Variants in ANKS1B observed in about 807,000 individuals in gnomAD.
ANKS1B encodes ankyrin repeat and sterile alpha motif domain-containing protein 1B.
ANKS1B carries 36 observed loss-of-function variants against 148.3 expected under a neutral mutation model. The ratio of observed to expected loss-of-function variants is 0.24; its 90% CI spans 0.19 to 0.32. The LOEUF (loss-of-function observed/expected upper bound fraction) is 0.32, where lower values mean the gene tolerates loss of function less well. ANKS1B is among the 10% of genes least tolerant of loss of function. The pLI, the probability that ANKS1B is intolerant of heterozygous loss-of-function variation, is 1.00. For missense variants in ANKS1B, 1,157 were observed against 1,542.6 expected, an observed-to-expected ratio of 0.75 and a Z score of 4.19; for synonymous variants, 542 against 560.8, an observed-to-expected ratio of 0.97 and a Z score of 0.47.
intron 8 of ANKS1B, among the ~76,000 whole-genome samples, chr12:99,766,712 A>G (rs975458105): frequency 3.3e-5 from 5 of 152,156 alleles, no homozygotes; most frequent in Admixed American, 6.5e-5. Flanking sequence ...TCTTTTGAAC[A>G]TTGTATACCA....
Position 99,121,318 on chromosome 12 carries a change from G to GGGGGGTGTGTGTGTGTGTGTGTGT in ANKS1B, c.2526+32970_2526+32971insACACACACACACACACACACCCCC, listed in dbSNP as rs796549235. On this transcript the variant is annotated intron_variant, in intron 15 of 26. Transcript: ENST00000683438. ...ACTGTTTTAACAGTGTGTGTATGTAGGTATGTGTGTGTGTGTGTGTGTGTG... is the reference window on the plus strand; with the variant it reads ...ACTGTTTTAACAGTGTGTGTATGTAGGGGGGTGTGTGTGTGTGTGTGTGTGTATGTGTGTGTGTGTGTGTGTGTG... Among the ~76,000 whole-genome samples, 4 of 105,978 alleles carry GGGGGGTGTGTGTGTGTGTGTGTGT rather than the reference G, an allele frequency of 3.8e-5. No homozygotes were observed. The East Asian group carries it at 7.7e-4, about 20-fold the overall frequency. 69.5% of individuals were successfully genotyped at this position (105,978 alleles called of 152,430 possible). A position where few individuals can be genotyped will look rare whatever the true frequency, so the allele number is the denominator to read the frequency against.
rs543294636 is a variant in ANKS1B at position 99,232,234 on chromosome 12, T to C, written c.2419+12108A>G. On this transcript the variant is annotated intron_variant, in intron 14 of 26. Transcript: ENST00000683438. ...TAATTTTAATAGCTTTCATTTATAA[T>C]TAAAATCTAGATGGCATTTATATAT... 6.6e-5 allele frequency among the ~76,000 whole-genome samples: 10 copies of C among 152,350 alleles called. No individual in the cohort carries two copies. The South Asian group carries it at 2.1e-3, about 32-fold the overall frequency.
intron 17 of ANKS1B, among the ~76,000 whole-genome samples, chr12:99,023,456 G>A (rs992185118): frequency 5.9e-5 from 9 of 152,032 alleles, no homozygotes; most frequent in Admixed American, 5.9e-4. Context: ...TTATTGAAAG[G>A]TTCTTCTTCT....
intron 9 of ANKS1B, among the ~76,000 whole-genome samples, chr12:99,589,030 T>C (rs1333170854): frequency 1.3e-5 from 2 of 152,176 alleles, no homozygotes; most frequent in Non-Finnish European, 2.9e-5. Context: ...CTTCAAACTC[T>C]CCTCAAAGTA....
chr12:99,019,540 C>T (rs1212844593), intron 17 of ANKS1B, among the ~76,000 whole-genome samples: 1 of 152,128 alleles, frequency 6.6e-6, no homozygotes, highest in Non-Finnish European at 1.5e-5. Context: ...CATTATCCTA[C>T]ACTTAAATAT....
At chr12:98,988,088 C>T (rs1477797036) in intron 17 of ANKS1B, among the ~76,000 whole-genome samples, 1 of 152,084 alleles carries the variant, frequency 6.6e-6, no homozygotes, top group African/African-American at 2.4e-5. Context: ...TTAACATGTG[C>T]ATTATCTCAC....
intron 8 of ANKS1B, among the ~76,000 whole-genome samples, chr12:99,665,129 G>A (rs778341354): frequency 3.9e-4 from 59 of 152,118 alleles, no homozygotes; most frequent in Admixed American, 2.2e-3. Flanking sequence ...TTTCTCTTGG[G>A]TAAATATCGA....
intron 1 of ANKS1B, among the ~76,000 whole-genome samples, chr12:99,981,190 A>G (rs1008557200): frequency 6.6e-6 from 1 of 152,092 alleles, no homozygotes; most frequent in Non-Finnish European, 1.5e-5. Context: ...TCATTACTTT[A>G]TACTTCATTT....
chr12:98,851,400 G>C (rs554633756), intron 17 of ANKS1B, among the ~76,000 whole-genome samples: 2 of 151,808 alleles, frequency 1.3e-5, no homozygotes, highest in Non-Finnish European at 2.9e-5. Context: ...TCCAAGTAAA[G>C]AGCTATAGGA....
At chr12:99,509,230 C>A (rs904336103) in intron 9 of ANKS1B, among the ~76,000 whole-genome samples, 2 of 151,734 alleles carry the variant, frequency 1.3e-5, no homozygotes, top group Admixed American at 6.6e-5. Context: ...CAATTAGTAA[C>A]CCTTCAATGG....
chr12:99,732,611 G>T (rs562035345), intron 8 of ANKS1B, among the ~76,000 whole-genome samples: 1 of 152,154 alleles, frequency 6.6e-6, no homozygotes, highest in Non-Finnish European at 1.5e-5. Flanking sequence ...GGCCAAAGGG[G>T]CATGAGAGAT....
chr12:99,928,605 C>T (rs1444612647), intron 1 of ANKS1B, among the ~76,000 whole-genome samples: 1 of 152,196 alleles, frequency 6.6e-6, no homozygotes, highest in Non-Finnish European at 1.5e-5. Flanking sequence ...AAGCTGCTGA[C>T]AAATATTAAA....
Position 98,905,243 on chromosome 12 carries a change from A to C in ANKS1B, c.2779-73107T>G, listed in dbSNP as rs559882741. On this transcript the variant is annotated intron_variant, in intron 17 of 26. Coordinates refer to ENST00000683438, the MANE Select transcript of ANKS1B (RefSeq NM_001352186.2). ...TCTGTGTATTTTCCCATGACACTGC[A>C]GCTACTACGCTGGGCAAGCTACTAT... Among the ~76,000 whole-genome samples the C allele has an allele frequency of 1.3e-3, 205 of 152,320 alleles. 1 individual carries two copies. The highest frequency in any genetic ancestry group is 6.8e-3 in the Middle Eastern group (2 of 294).
At chr12:99,636,659 T>A (rs2098239598) in intron 9 of ANKS1B, among the ~76,000 whole-genome samples, 1 of 152,196 alleles carries the variant, frequency 6.6e-6, no homozygotes, top group Non-Finnish European at 1.5e-5. Flanking sequence ...GTTTACAGTA[T>A]GAGAACTGAA....
intron 17 of ANKS1B, among the ~76,000 whole-genome samples, chr12:98,985,596 AATAAT>A (rs1417157759): frequency 6.6e-6 from 1 of 151,620 alleles, no homozygotes; most frequent in Non-Finnish European, 1.5e-5. Context: ...CCCTACTTCA[AATAAT>A]ATAATAATAT....
At chr12:99,055,963 G>A (rs528993495) in intron 16 of ANKS1B, among the ~76,000 whole-genome samples, 5 of 152,252 alleles carry the variant, frequency 3.3e-5, no homozygotes, top group South Asian at 2.1e-4. Context: ...GATTACTCCT[G>A]TAAGGCAAGT....
At chr12:98,857,675 A>T (rs2099578991) in intron 17 of ANKS1B, among the ~76,000 whole-genome samples, 1 of 152,308 alleles carries the variant, frequency 6.6e-6, no homozygotes, top group East Asian at 1.9e-4. Flanking sequence ...AAATGAATGA[A>T]GGTGGCTAGG....
At chr12:99,980,937 C>T (rs1315978640) in intron 1 of ANKS1B, among the ~76,000 whole-genome samples, 3 of 151,956 alleles carry the variant, frequency 2.0e-5, no homozygotes, top group Non-Finnish European at 4.4e-5. Flanking sequence ...GAAGGTTTAA[C>T]AGGGCTGGAA....
At chr12:98,848,561 T>G (rs1457077539) in intron 17 of ANKS1B, among the ~76,000 whole-genome samples, 1 of 141,900 alleles carries the variant, frequency 7.0e-6, no homozygotes, top group African/African-American at 2.7e-5. Context: ...AATTTGTGAT[T>G]TTTTTTTTTT....
Sources: gnomAD v4.1 joint callset for allele counts (sites outside exome capture counted in the v4.1 genomes callset) on GRCh38, gnomAD v4.1.1 for gene constraint, MANE v1.5 for transcripts, NCBI Gene and HGNC (gene_info 2026-07-23, HGNC 2026-07-21) for gene names.